Variants in INPP5A observed in about 807,000 individuals in gnomAD.
INPP5A encodes 43 kDa inositol polyphosphate 5-phophatase.
A neutral mutation model predicts 65.2 loss-of-function variants in INPP5A; 14 were observed. The ratio of observed to expected loss-of-function variants is 0.21; its 90% CI spans 0.14 to 0.34. INPP5A has a LOEUF of 0.34. Ranked by LOEUF, INPP5A falls within the 10% of genes least tolerant of loss-of-function variation. INPP5A has a pLI of 1.00. For synonymous variants in INPP5A, 207 were observed against 208.3 expected (o/e 0.99, Z 0.05); for missense variants, 431 against 545.6 (o/e 0.79, Z 2.09).
At chr10:132,739,899 G>C (rs981098466) in intron 9 of INPP5A, among the ~76,000 whole-genome samples, 1 of 152,220 alleles carries the variant, frequency 6.6e-6, no homozygotes, top group Admixed American at 6.5e-5. Context: ...TGTTTGATGA[G>C]CACTGACGTT....
intron 1 of INPP5A, among the ~76,000 whole-genome samples, chr10:132,569,808 CTG>C (rs1167613870): frequency 2.7e-5 from 4 of 148,458 alleles, no homozygotes; most frequent in Non-Finnish European, 5.9e-5. Context: ...TGGGCCCCCA[CTG>C]TTTTTTTTTA....
Position 132,587,036 on chromosome 10 carries a change from C to T in INPP5A, c.76-20879C>T, listed in dbSNP as rs76644658. 2.0e-5 allele frequency among the ~76,000 whole-genome samples: 3 copies of T among 152,230 alleles called. No individual in the cohort carries two copies. Among genetic ancestry groups the T allele is most frequent in the Non-Finnish European group, 4.4e-5 (3 of 68,044 alleles). On this transcript the variant is annotated intron_variant, in intron 1 of 15. Coordinates refer to ENST00000368594, the MANE Select transcript of INPP5A (RefSeq NM_005539.5). This position sits in a 1 kb window ranked among gnomAD's most constrained non-coding sequence, Gnocchi z 4.3. ...GGTGGCCCCTCCCCCGCCATCGTTA[C>T]GCTGTCATCAGCAAGATCACTGTCA...
At chr10:132,600,425 C>T (rs550832713) in intron 1 of INPP5A, among the ~76,000 whole-genome samples, 1 of 152,344 alleles carries the variant, frequency 6.6e-6, no homozygotes, top group South Asian at 2.1e-4. Context: ...TCTGAGACCA[C>T]CTCAGCCTGG....
At chr10:132,682,781 C>A (rs2073063737) in intron 4 of INPP5A, among the ~76,000 whole-genome samples, 1 of 151,804 alleles carries the variant, frequency 6.6e-6, no homozygotes, top group African/African-American at 2.4e-5. Context: ...CATATGCACT[C>A]ATGTTTAATC....
rs537095141 is a variant in INPP5A, at chr10:132,729,730, C to T, written c.732+2825C>T. ...AGGGCACTGGCCTGAAGCCAGAGTTCGAAGATTCCCATCACCAATAAACCA... is the reference window on the plus strand; with the variant it reads ...AGGGCACTGGCCTGAAGCCAGAGTTTGAAGATTCCCATCACCAATAAACCA... On this transcript the variant is annotated intron_variant, in intron 9 of 15. Coordinates refer to ENST00000368594, the MANE Select transcript of INPP5A (RefSeq NM_005539.5). 1.1e-4 allele frequency among the ~76,000 whole-genome samples: 16 copies of T among 152,316 alleles called. No homozygotes were observed. In the South Asian group the frequency reaches 1.9e-3, roughly 18 times the overall value.
In INPP5A at chr10:132,775,337, C is replaced by G. The variant is rs373931322; in HGVS notation, c.978-2334C>G. On this transcript the variant is annotated intron_variant, in intron 12 of 15. Coordinates refer to ENST00000368594, the MANE Select transcript of INPP5A (RefSeq NM_005539.5). ...CGCCCCTGTCCTGTGTGCCTCCCCC[C>G]CCACCCAGCAGGTATGCTTTCAGAT... Among the ~76,000 whole-genome samples the G allele has an allele frequency of 3.4e-3, 514 of 152,116 alleles. 3 individuals are homozygous for G. Among genetic ancestry groups the G allele is most frequent in the African/African-American group, 0.011 (475 of 41,474 alleles).
At position 132,603,422 on chromosome 10, in the gene INPP5A, A is replaced by T. The variant is rs1310355633; in HGVS notation, c.76-4493A>T. 6.6e-6 allele frequency among the ~76,000 whole-genome samples: 1 copy of T among 152,224 alleles called. No individual in the cohort carries two copies. Among genetic ancestry groups the T allele is most frequent in the Non-Finnish European group, 1.5e-5 (1 of 68,032 alleles). ...CGCTTGTCCACGTGGAATAAACGTCATCCCAGTCTGCAGAGCTCCAGCAAG... is the reference window on the plus strand; with the variant it reads ...CGCTTGTCCACGTGGAATAAACGTCTTCCCAGTCTGCAGAGCTCCAGCAAG... On this transcript the variant is annotated intron_variant, in intron 1 of 15. Coordinates refer to ENST00000368594, the MANE Select transcript of INPP5A (RefSeq NM_005539.5). The surrounding 1 kb of genome is among the most constrained non-coding windows in gnomAD (Gnocchi z 4.2).
At chr10:132,579,382 C>T (rs535409655) in intron 1 of INPP5A, among the ~76,000 whole-genome samples, 4 of 152,122 alleles carry the variant, frequency 2.6e-5, no homozygotes, top group East Asian at 3.9e-4. Context: ...TGAGTCCCCC[C>T]GCCCCAGTAC....
At chr10:132,539,213 C>T (rs1434977515) in intron 1 of INPP5A, among the ~76,000 whole-genome samples, 5 of 152,212 alleles carry the variant, frequency 3.3e-5, no homozygotes, top group African/African-American at 1.2e-4. Context: ...GGCTGTCAGC[C>T]CCAGCTCCTG....
chr10:132,661,852 T>C (rs922164755), intron 4 of INPP5A, among the ~76,000 whole-genome samples: 1 of 152,204 alleles, frequency 6.6e-6, no homozygotes, highest in Non-Finnish European at 1.5e-5. Flanking sequence ...CAGAACATTA[T>C]GGAGAGTCTA....
intron 8 of INPP5A, among the ~76,000 whole-genome samples, chr10:132,715,950 T>G (rs1165913250): frequency 6.6e-6 from 1 of 152,170 alleles, no homozygotes; most frequent in Non-Finnish European, 1.5e-5. Context: ...CCTCTGCCGT[T>G]CCGCTGCCGT....
chr10:132,591,974 G>A (rs892323194), intron 1 of INPP5A, among the ~76,000 whole-genome samples: 1 of 152,220 alleles, frequency 6.6e-6, no homozygotes, highest in Non-Finnish European at 1.5e-5. Flanking sequence ...GGGGTGGGAT[G>A]TTTCGAATCC....
In INPP5A at chr10:132,651,816, G is replaced by A. The variant is rs762465473; in HGVS notation, c.306+1311G>A. ...TGAGATGGTCACACAGCTGTCATGC[G>A]TGGTCCCCACCAGTAGTGGAGTCTG... On this transcript the variant is annotated intron_variant, in intron 4 of 15. Coordinates refer to ENST00000368594, the MANE Select transcript of INPP5A (RefSeq NM_005539.5). This position sits in a 1 kb window ranked among gnomAD's most constrained non-coding sequence, Gnocchi z 5.0. Among the ~76,000 whole-genome samples, 10 of 152,192 alleles carry A rather than the reference G, an allele frequency of 6.6e-5. No homozygotes were observed. Among genetic ancestry groups the A allele is most frequent in the African/African-American group, 9.7e-5 (4 of 41,446 alleles).
At chr10:132,610,370 T>G (rs552926994) in intron 2 of INPP5A, among the ~76,000 whole-genome samples, 11 of 140,548 alleles carry the variant, frequency 7.8e-5, no homozygotes, top group South Asian at 5.0e-4. Context: ...GGGTGGGGGG[T>G]GGGGGGCGGT....
At chr10:132,724,045 C>G (rs1845941468) in intron 8 of INPP5A, among the ~76,000 whole-genome samples, 1 of 152,156 alleles carries the variant, frequency 6.6e-6, no homozygotes, top group African/African-American at 2.4e-5. Context: ...TTTGCCAAGC[C>G]AAACTATAGC....
intron 7 of INPP5A, among the ~76,000 whole-genome samples, chr10:132,709,885 G>A (rs1235161770): frequency 2.0e-5 from 3 of 152,220 alleles, no homozygotes; most frequent in Admixed American, 6.5e-5. Flanking sequence ...CGGCCCACGG[G>A]GCTTCCCAAG....
chr10:132,607,493 G>C (rs12359407), intron 1 of INPP5A, among the ~76,000 whole-genome samples: 6,024 of 152,334 alleles, frequency 0.04, 149 homozygotes, highest in Non-Finnish European at 0.064. Context: ...GCTTTGTCTA[G>C]TGCCTGTGAA....
At chr10:132,577,070 G>A (rs1564921949) in intron 1 of INPP5A, among the ~76,000 whole-genome samples, 3 of 152,248 alleles carry the variant, frequency 2.0e-5, no homozygotes, top group African/African-American at 7.2e-5. Flanking sequence ...AAAGGTGGCA[G>A]GACTGTGGGG....
intron 2 of INPP5A, among the ~76,000 whole-genome samples, chr10:132,645,391 C>T (rs1165693410): frequency 1.3e-5 from 2 of 152,158 alleles, no homozygotes; most frequent in Non-Finnish European, 2.9e-5. Flanking sequence ...TACACAGGCA[C>T]ATGTGTACAC....
Sources: gnomAD v4.1 joint callset for allele counts (sites outside exome capture counted in the v4.1 genomes callset) on GRCh38, gnomAD v4.1.1 for gene constraint, Gnocchi (gnomAD v3.1) non-coding constraint, MANE v1.5 for transcripts, NCBI Gene and HGNC (gene_info 2026-07-23, HGNC 2026-07-21) for gene names.